Variants in SOS1 observed in about 807,000 individuals in gnomAD.
SOS1 encodes the protein SOS Ras/Rac guanine nucleotide exchange factor 1.
Under a neutral mutation model 157.6 loss-of-function variants are expected in SOS1, and 25 were observed. The observed-to-expected ratio is 0.16, with a 90% CI of 0.12 to 0.22. The LOEUF is 0.22. Ranked by LOEUF, SOS1 falls within the 10% of genes least tolerant of loss-of-function variation. SOS1 has a pLI of 1.00. For missense variants in SOS1, 1,237 were observed against 1,599.1 expected (o/e 0.77, Z 3.86); for synonymous variants, 528 against 534.0 (o/e 0.99, Z 0.16).
At chr2:39,013,321 A>C in intron 13 of SOS1, 139 bp downstream of exon 13, 1 of 662,440 alleles carries the variant, frequency 1.5e-6, no homozygotes, top group Non-Finnish European at 2.7e-6. Context: ...TTTGATGAAA[A>C]TTTTTAACTT....
intron 1 of SOS1, among the ~76,000 whole-genome samples, chr2:39,096,305 T>C (rs1672761853): frequency 6.6e-6 from 1 of 152,234 alleles, no homozygotes; most frequent in Admixed American, 6.5e-5. Context: ...AACAACCTGT[T>C]CATTCTACTC....
chr2:39,034,502 A>T (rs2124560892), intron 8 of SOS1, among the ~76,000 whole-genome samples: 1 of 152,382 alleles, frequency 6.6e-6, no homozygotes, highest in South Asian at 2.1e-4. Flanking sequence ...TTTTGTCTTT[A>T]CAAGGCTAGT....
At chr2:39,046,313 C>A (rs955433306) in intron 6 of SOS1, among the ~76,000 whole-genome samples, 1 of 151,828 alleles carries the variant, frequency 6.6e-6, no homozygotes, top group East Asian at 1.9e-4. Flanking sequence ...TCAAGTTATT[C>A]TTCTATCACA....
intron 1 of SOS1, among the ~76,000 whole-genome samples, chr2:39,078,520 C>A (rs1286965307): frequency 6.6e-6 from 1 of 152,190 alleles, no homozygotes; most frequent in Admixed American, 6.5e-5. Flanking sequence ...AACCAGGCCA[C>A]AGAGCAGGTG....
intron 17 of SOS1, 62 bp from the exon 18 acceptor site, chr2:38,997,487 T>G: frequency 8.4e-7 from 1 of 1,190,040 alleles, no homozygotes; most frequent in Non-Finnish European, 1.2e-6. Context: ...TTTTTCTGTT[T>G]CATTAATTGT....
intron 2 of SOS1, among the ~76,000 whole-genome samples, chr2:39,061,523 G>A (rs1397297315): frequency 6.6e-6 from 1 of 152,036 alleles, no homozygotes; most frequent in Non-Finnish European, 1.5e-5. Context: ...AAGTAGCTGG[G>A]ACTATAAGTA....
In SOS1 at chr2:39,038,749, G is replaced by T. The variant is rs569879030; in HGVS notation, c.865-3249C>A. Among the ~76,000 whole-genome samples the T allele has an allele frequency of 3.0e-3, 49 of 16,358 alleles. 1 individual carries two copies. The highest frequency in any genetic ancestry group is 5.8e-3 in the Non-Finnish European group (41 of 7,038). The allele number at this position is 16,358 out of a possible 152,430, so 10.7% of individuals were successfully genotyped here. On this transcript the variant is annotated intron_variant, in intron 6 of 22. Coordinates refer to ENST00000402219, the MANE Select transcript of SOS1 (RefSeq NM_005633.4). The stretch of plus-strand genomic sequence containing the variant: ...CTCCGTCTCAAAAAAAAAAAAAAAA[G>T]TCGTTTCTTGAGATGGAACCTACTC...
intron 10 of SOS1, among the ~76,000 whole-genome samples, chr2:39,017,353 C>A (rs1264993815): frequency 6.6e-6 from 1 of 151,974 alleles, no homozygotes; most frequent in African/African-American, 2.4e-5. Flanking sequence ...TCAGAATGTA[C>A]CTGTACTGCT....
At chr2:39,002,550 G>A (rs1322070944) in intron 17 of SOS1, among the ~76,000 whole-genome samples, 1 of 152,156 alleles carries the variant, frequency 6.6e-6, no homozygotes, top group African/African-American at 2.4e-5. Flanking sequence ...TGAGCAGACT[G>A]ACTGTGTATT....
chr2:39,019,799 G>A (rs1213005818), intron 10 of SOS1, among the ~76,000 whole-genome samples: 1 of 151,502 alleles, frequency 6.6e-6, no homozygotes, highest in Non-Finnish European at 1.5e-5. Context: ...TCCAATGGAA[G>A]TGTATCTATA....
intron 8 of SOS1, among the ~76,000 whole-genome samples, chr2:39,034,393 T>G (rs1670271279): frequency 6.6e-6 from 1 of 152,222 alleles, no homozygotes; most frequent in South Asian, 2.1e-4. Flanking sequence ...TAATATATTC[T>G]CTGTGAAAGA....
At chr2:39,009,649 G>C (rs914323618) in intron 15 of SOS1, among the ~76,000 whole-genome samples, 1 of 152,140 alleles carries the variant, frequency 6.6e-6, no homozygotes, top group Non-Finnish European at 1.5e-5. Context: ...TGGGCTAAGA[G>C]GATGATGACA....
chr2:39,056,945 T>G, intron 3 of SOS1, 79 bp from the exon 4 acceptor site: 1 of 1,053,818 alleles, frequency 9.5e-7, no homozygotes, highest in South Asian at 1.3e-5. Context: ...AAAAACATAT[T>G]TGCACCTTAA....
rs755092417 is a variant in SOS1, at chr2:39,120,399, G to A, written c.24C>T (p.Tyr8=). 4.4e-6 allele frequency: 7 copies of A among 1,599,708 alleles called. No individual in the cohort carries two copies. The Admixed American group carries it at 8.5e-5, about 19-fold the overall frequency. The change falls in exon 1 of 23, where the codon TAC becomes TAT. Residue 8 remains tyrosine (Y), a synonymous_variant. Coordinates refer to ENST00000402219, the MANE Select transcript of SOS1 (RefSeq NM_005633.4). ...GCGCGTTCTCTTCGCTGAAAAACTC[G>A]TAGGGCAGCTGCTGCGCCTGCATGG... MQAQQLP[Y]EFFSEENAPK...
intron 1 of SOS1, among the ~76,000 whole-genome samples, chr2:39,109,871 A>T (rs1009246220): frequency 6.6e-6 from 1 of 152,354 alleles, no homozygotes; most frequent in Admixed American, 6.5e-5. Context: ...TTAACATTCA[A>T]AAAGATCTAG....
At chr2:39,022,238 A>G (rs1669821569) in intron 10 of SOS1, among the ~76,000 whole-genome samples, 1 of 151,864 alleles carries the variant, frequency 6.6e-6, no homozygotes, top group Admixed American at 6.6e-5. Flanking sequence ...GAAAGAAAAA[A>G]AAGATAAAGG....
At chr2:39,124,402 G>A (rs559825984), upstream of SOS1, 55 of 152,414 alleles carry the variant, frequency 3.6e-4, no homozygotes, top group African/African-American at 1.2e-3. Context: ...TGACGCACGA[G>A]GCGCGTCCGG....
chr2:39,064,947 G>T (rs564627412), intron 2 of SOS1, among the ~76,000 whole-genome samples: 43 of 150,326 alleles, frequency 2.9e-4, no homozygotes, highest in Non-Finnish European at 5.3e-4. Flanking sequence ...TAGTAGAGAT[G>T]GGGTTTCACC....
At chr2:39,056,654 G>C (rs755717399) in intron 4 of SOS1, 48 bp downstream of exon 4, 10 of 1,206,774 alleles carry the variant, frequency 8.3e-6, no homozygotes, top group Admixed American at 1.7e-5. Context: ...CATCTAATAA[G>C]TCATAAAAAG....
Sources: allele counts gnomAD v4.1 joint callset (sites outside exome capture counted in the v4.1 genomes callset), GRCh38; gene constraint gnomAD v4.1.1; transcripts MANE v1.5; gene names NCBI Gene and HGNC (gene_info 2026-07-23, HGNC 2026-07-21).